The following RARB variants were observed in gnomAD, a reference collection of about 807,000 sequenced individuals.
The protein encoded by RARB is HBV-activated protein.
Under a neutral mutation model 51.9 loss-of-function variants are expected in RARB, and 17 were observed. That is an observed-to-expected ratio of 0.33 (90% CI 0.22 to 0.49). RARB has a LOEUF of 0.49. RARB is among the 20% of genes least tolerant of loss of function. The pLI, the probability that RARB is intolerant of heterozygous loss-of-function variation, is 0.99. For synonymous variants in RARB, 215 were observed against 195.4 expected, an observed-to-expected ratio of 1.10 and a Z score of -0.84; for missense variants, 369 against 550.8, an observed-to-expected ratio of 0.67 and a Z score of 3.30.
chr3:24,891,378 A>G (rs1703375284), intron 2 of RARB, among the ~76,000 whole-genome samples: 1 of 152,118 alleles, frequency 6.6e-6, no homozygotes. Flanking sequence ...CGGGAAAGTT[A>G]CTTGGCTTCC....
At chr3:25,007,348 G>A (rs951529645) in intron 2 of RARB, among the ~76,000 whole-genome samples, 1 of 151,900 alleles carries the variant, frequency 6.6e-6, no homozygotes, top group South Asian at 2.1e-4. Flanking sequence ...ACTCATGGCC[G>A]GGTGTAGTGG....
intron 2 of RARB, among the ~76,000 whole-genome samples, chr3:24,947,544 A>G (rs966669040): frequency 6.6e-6 from 1 of 152,202 alleles, no homozygotes; most frequent in South Asian, 2.1e-4. Flanking sequence ...GGAAGCATGG[A>G]CATCTTTTTT....
chr3:25,431,920 C>A (rs1039717904), intron 1 of RARB, among the ~76,000 whole-genome samples: 26 of 151,916 alleles, frequency 1.7e-4, no homozygotes, highest in African/African-American at 6.3e-4. Flanking sequence ...AAATTGGGGT[C>A]AAAGTGGCAA....
At chr3:25,506,783 A>T (rs912472558) in intron 3 of RARB, among the ~76,000 whole-genome samples, 1 of 152,266 alleles carries the variant, frequency 6.6e-6, no homozygotes, top group Admixed American at 6.5e-5. Flanking sequence ...TGGTTTGCCA[A>T]TGTCTGCTTT....
chr3:25,020,201 G>A (rs1360721677), intron 2 of RARB: 2 of 151,026 alleles, frequency 1.3e-5, no homozygotes, highest in African/African-American at 2.4e-5. Context: ...CAGGCTGGAG[G>A]GCAGTGGCTT....
intron 5 of RARB, among the ~76,000 whole-genome samples, chr3:25,206,508 A>G (rs1701550772): frequency 6.6e-6 from 1 of 152,192 alleles, no homozygotes; most frequent in African/African-American, 2.4e-5. Flanking sequence ...TCTACTAAGT[A>G]TGTTTTCATT....
intron 2 of RARB, among the ~76,000 whole-genome samples, chr3:24,975,422 C>A (rs1696489360): frequency 6.6e-6 from 1 of 152,120 alleles, no homozygotes; most frequent in Non-Finnish European, 1.5e-5. Context: ...GGTATAATCC[C>A]TGCCTTCAAA....
chr3:25,393,467 C>A (rs1707029610), intron 5 of RARB, among the ~76,000 whole-genome samples: 1 of 151,998 alleles, frequency 6.6e-6, no homozygotes, highest in African/African-American at 2.4e-5. Flanking sequence ...AGGATTGGTA[C>A]CCATTCTTTG....
chr3:24,847,906 G>C (rs991014251), intron 1 of RARB, among the ~76,000 whole-genome samples: 3 of 152,160 alleles, frequency 2.0e-5, no homozygotes, highest in African/African-American at 7.2e-5. Flanking sequence ...AAGACCAGGG[G>C]TGCCCCATAG....
intron 5 of RARB, among the ~76,000 whole-genome samples, chr3:25,191,932 G>T (rs777736021): frequency 6.6e-6 from 1 of 152,102 alleles, no homozygotes; most frequent in African/African-American, 2.4e-5. Context: ...CAGACGAGGC[G>T]GGGGTGTGGA....
chr3:25,195,576 A>G (rs1356336933), intron 5 of RARB, among the ~76,000 whole-genome samples: 1 of 151,990 alleles, frequency 6.6e-6, no homozygotes, highest in South Asian at 2.1e-4. Flanking sequence ...ATTCCCAAGC[A>G]TTTTCTTAGG....
At chr3:25,399,489 CAT>C (rs1172179815) in intron 5 of RARB, among the ~76,000 whole-genome samples, 1 of 152,132 alleles carries the variant, frequency 6.6e-6, no homozygotes, top group Non-Finnish European at 1.5e-5. Flanking sequence ...TTATCCACTT[CAT>C]CCTTTTTCTT....
chr3:25,108,257 G>A (rs1559469292), intron 3 of RARB, among the ~76,000 whole-genome samples: 1 of 152,014 alleles, frequency 6.6e-6, no homozygotes, highest in African/African-American at 2.4e-5. Flanking sequence ...GAAACCATGG[G>A]AAAAAAATCA....
intron 3 of RARB, among the ~76,000 whole-genome samples, chr3:25,506,538 C>T (rs942707768): frequency 6.6e-6 from 1 of 151,966 alleles, no homozygotes. Context: ...ATCACTTGAG[C>T]CTGGGAGGTT....
chr3:25,505,035 T>C (rs1697515765), intron 3 of RARB, among the ~76,000 whole-genome samples: 1 of 152,146 alleles, frequency 6.6e-6, no homozygotes, highest in Non-Finnish European at 1.5e-5. Flanking sequence ...CACTTCAGCC[T>C]CCCAGAGTGC....
At chr3:24,984,162 A>G (rs542443114) in intron 2 of RARB, among the ~76,000 whole-genome samples, 36 of 152,332 alleles carry the variant, frequency 2.4e-4, no homozygotes, top group Admixed American at 2.0e-3. Flanking sequence ...GCCAAGCAAA[A>G]GGGAAGAAAT....
At chr3:25,508,856 C>G (rs181470501) in intron 3 of RARB, among the ~76,000 whole-genome samples, 1 of 151,116 alleles carries the variant, frequency 6.6e-6, no homozygotes, top group African/African-American at 2.4e-5. Flanking sequence ...TTTCTACTTG[C>G]CAAATATGAA....
intron 2 of RARB, among the ~76,000 whole-genome samples, chr3:24,895,074 G>T (rs1703451275): frequency 6.6e-6 from 1 of 152,092 alleles, no homozygotes; most frequent in African/African-American, 2.4e-5. Flanking sequence ...CTGTTTTATG[G>T]CATTTAGGAA....
At chr3:25,458,716 T>A (rs1192791693) in intron 1 of RARB, among the ~76,000 whole-genome samples, 1 of 152,118 alleles carries the variant, frequency 6.6e-6, no homozygotes, top group Non-Finnish European at 1.5e-5. Context: ...TATAATAGAT[T>A]TATCTACTAG....
Sources: allele counts gnomAD v4.1 joint callset (sites outside exome capture counted in the v4.1 genomes callset), GRCh38; gene constraint gnomAD v4.1.1; transcripts MANE v1.5; gene names NCBI Gene and HGNC (gene_info 2026-07-23, HGNC 2026-07-21).